PTPRD: variants seen among roughly 807,000 people sequenced by gnomAD.
PTPRD encodes receptor-type tyrosine-protein phosphatase delta.
Under a neutral mutation model 214.5 loss-of-function variants are expected in PTPRD, and 34 were observed. The ratio of observed to expected loss-of-function variants is 0.16; its 90% CI spans 0.12 to 0.21. The LOEUF (loss-of-function observed/expected upper bound fraction) is 0.21, where lower values mean the gene tolerates loss of function less well. Ranked by LOEUF, PTPRD falls within the 10% of genes least tolerant of loss-of-function variation. The pLI, the probability that PTPRD is intolerant of heterozygous loss-of-function variation, is 1.00. For missense variants in PTPRD, 2,545 were observed against 2,398.7 expected, an observed-to-expected ratio of 1.06 and a Z score of -1.27; for synonymous variants, 1,128 against 845.7, an observed-to-expected ratio of 1.33 and a Z score of -5.79.
chr9:10,356,370 T>C (rs932293166), intron 2 of PTPRD, among the ~76,000 whole-genome samples: 8 of 152,210 alleles, frequency 5.3e-5, no homozygotes, highest in African/African-American at 1.7e-4. Context: ...GATATTTCTC[T>C]CAAATTGGTT....
chr9:9,725,468 G>C (rs1050611046), intron 7 of PTPRD, among the ~76,000 whole-genome samples: 3 of 152,100 alleles, frequency 2.0e-5, no homozygotes, highest in Non-Finnish European at 4.4e-5. Context: ...GTTATCAAGA[G>C]TGTGAAAATG....
chr9:9,391,806 T>C (rs1208835217), intron 9 of PTPRD, among the ~76,000 whole-genome samples: 4 of 152,216 alleles, frequency 2.6e-5, no homozygotes, highest in African/African-American at 9.6e-5. Context: ...ATTTCTATTC[T>C]GTGTTAAGAA....
chr9:10,106,013 CAAAAAAAAAA>C (rs35421883), intron 3 of PTPRD, among the ~76,000 whole-genome samples: 1 of 56,670 alleles, frequency 1.8e-5, no homozygotes, highest in Non-Finnish European at 3.4e-5. Flanking sequence ...ATCACATATT[CAAAAAAAAAA>C]AAAAAAAAAA....
chr9:9,846,143 T>G (rs1201771185), intron 5 of PTPRD, among the ~76,000 whole-genome samples: 15 of 152,050 alleles, frequency 9.9e-5, no homozygotes, highest in African/African-American at 3.4e-4. Context: ...ATATGCTTCC[T>G]CCCTCCCCAA....
intron 8 of PTPRD, among the ~76,000 whole-genome samples, chr9:9,516,233 T>TCTAATTCAATGCATACTCA (rs1555508070): frequency 6.6e-6 from 1 of 151,600 alleles, no homozygotes; most frequent in Non-Finnish European, 1.5e-5. Flanking sequence ...CTACAGTCCA[T>TCTAATTCAATGCATACTCA]CTAAATCTAT....
At chr9:9,739,364 A>T (rs2098360277) in intron 6 of PTPRD, among the ~76,000 whole-genome samples, 1 of 152,166 alleles carries the variant, frequency 6.6e-6, no homozygotes, top group Non-Finnish European at 1.5e-5. Context: ...TTTATAATAA[A>T]GGGTTTTTTT....
chr9:9,276,403 G>A (rs996194213), intron 9 of PTPRD, among the ~76,000 whole-genome samples: 2 of 151,288 alleles, frequency 1.3e-5, no homozygotes, highest in African/African-American at 2.4e-5. Flanking sequence ...TCAGAGGCCC[G>A]GGGCAAAGGT....
At chr9:9,128,054 T>C (rs993297394) in intron 10 of PTPRD, among the ~76,000 whole-genome samples, 4 of 152,120 alleles carry the variant, frequency 2.6e-5, no homozygotes, top group African/African-American at 9.7e-5. Flanking sequence ...AATACTGTAC[T>C]TTTTTAAAAA....
At chr9:9,430,305 G>A (rs1411376680) in intron 8 of PTPRD, among the ~76,000 whole-genome samples, 1 of 151,938 alleles carries the variant, frequency 6.6e-6, no homozygotes, top group Non-Finnish European at 1.5e-5. Context: ...ATTCACAATT[G>A]CTTCAAAGAG....
chr9:8,966,256 T>C (rs987456820), intron 11 of PTPRD, among the ~76,000 whole-genome samples: 13 of 152,014 alleles, frequency 8.6e-5, no homozygotes, highest in Non-Finnish European at 1.8e-4. Context: ...AAACTGCTAA[T>C]ATTCATATTG....
intron 11 of PTPRD, among the ~76,000 whole-genome samples, chr9:8,974,645 C>T (rs1018447572): frequency 3.3e-5 from 5 of 152,120 alleles, no homozygotes; most frequent in East Asian, 3.9e-4. Context: ...ATACTGCTTA[C>T]GTTTATTAAT....
chr9:9,632,946 C>T (rs989707110), intron 7 of PTPRD, among the ~76,000 whole-genome samples: 6 of 151,992 alleles, frequency 3.9e-5, no homozygotes, highest in African/African-American at 1.2e-4. Context: ...AAACAGAGTG[C>T]CCTTGGGAAA....
In PTPRD at chr9:8,891,410, G is replaced by A. The variant is rs1247034029; in HGVS notation, c.-104+127287C>T. Among the ~76,000 whole-genome samples the A allele has an allele frequency of 2.0e-5, 3 of 151,744 alleles. No homozygotes were observed. The East Asian group carries it at 5.8e-4, about 29-fold the overall frequency. ...GCCTCCCAAAGTGCTGGGATTACAG[G>A]CGTGAGACACCGTGCCTGGTCAATC... is the stretch of plus-strand genomic sequence containing the variant. On this transcript the variant is annotated intron_variant, in intron 11 of 45. Transcript: ENST00000381196.
chr9:9,396,128 C>CA (rs2067714392), intron 9 of PTPRD, among the ~76,000 whole-genome samples: 1 of 151,976 alleles, frequency 6.6e-6, no homozygotes. Flanking sequence ...TGTGACTCAA[C>CA]AAAACAGCAT....
At chr9:10,379,799 A>C (rs891449037) in intron 2 of PTPRD, among the ~76,000 whole-genome samples, 5 of 152,070 alleles carry the variant, frequency 3.3e-5, no homozygotes, top group Non-Finnish European at 7.4e-5. Flanking sequence ...TATGTGGTAC[A>C]TTTCTCACAA....
At chr9:8,993,867 C>T (rs545072091) in intron 11 of PTPRD, among the ~76,000 whole-genome samples, 1 of 152,100 alleles carries the variant, frequency 6.6e-6, no homozygotes, top group East Asian at 1.9e-4. Context: ...TAAAACCTAG[C>T]AGGAGGGACA....
chr9:9,117,132 T>G (rs1489187265), intron 10 of PTPRD, among the ~76,000 whole-genome samples: 1 of 152,096 alleles, frequency 6.6e-6, no homozygotes, highest in Non-Finnish European at 1.5e-5. Flanking sequence ...CTGAAGTAAT[T>G]TTTGAGCTTG....
chr9:9,274,823 C>T lies in PTPRD; in HGVS notation c.-202-91460G>A, dbSNP rs115577515. 8.8e-3 allele frequency among the ~76,000 whole-genome samples: 1,313 copies of T among 149,582 alleles called. 28 individuals carry two copies. The highest frequency in any genetic ancestry group is 0.03 in the African/African-American group (1,242 of 40,788). On this transcript the variant is annotated intron_variant, in intron 9 of 45. Transcript: ENST00000381196. ...TATTAAACCAGCATCTCTCAGTCCA[C>T]AGAACACTAGTCTTCAGTGAGATAT...
chr9:10,118,864 C>A lies in PTPRD; in HGVS notation c.-544-85074G>T, dbSNP rs534930425. 3.4e-3 allele frequency among the ~76,000 whole-genome samples: 291 copies of A among 85,466 alleles called. 2 individuals carry two copies. The highest frequency in any genetic ancestry group is 0.011 in the African/African-American group (274 of 24,836). The allele number at this position is 85,466 out of a possible 152,430, so 56.1% of individuals were successfully genotyped here. ...AAAGGTAAAGAAGCTGGGAAATACACCAAAAATAAATAAATAAATAAATAA... is the reference window on the plus strand; with the variant it reads ...AAAGGTAAAGAAGCTGGGAAATACAACAAAAATAAATAAATAAATAAATAA... On this transcript the variant is annotated intron_variant, in intron 3 of 45. Coordinates refer to ENST00000381196, the MANE Select transcript of PTPRD (RefSeq NM_002839.4).
Sources: gnomAD v4.1 joint callset for allele counts (sites outside exome capture counted in the v4.1 genomes callset) on GRCh38, gnomAD v4.1.1 for gene constraint, MANE v1.5 for transcripts, NCBI Gene and HGNC (gene_info 2026-07-23, HGNC 2026-07-21) for gene names.